DNAJC3: variants seen among roughly 807,000 people sequenced by gnomAD.
DNAJC3 encodes the protein dnaJ homolog subfamily C member 3.
DNAJC3 carries 38 observed loss-of-function variants against 68.6 expected under a neutral mutation model. The observed-to-expected ratio is 0.55, with a 90% CI of 0.43 to 0.73. The LOEUF (loss-of-function observed/expected upper bound fraction) is 0.73. DNAJC3 is among the 30% of genes least tolerant of loss of function. DNAJC3 has a pLI of 0.00. For missense variants in DNAJC3, 526 were observed against 591.9 expected (o/e 0.89, Z 1.16); for synonymous variants, 203 against 204.0 (o/e 1.00, Z 0.04).
chr13:95,727,080 C>G (rs1881551492), intron 4 of DNAJC3, among the ~76,000 whole-genome samples: 1 of 152,120 alleles, frequency 6.6e-6, no homozygotes, highest in Non-Finnish European at 1.5e-5. Flanking sequence ...CTTTCCCTAG[C>G]CCAGGCCTTT....
At chr13:95,699,368 C>T (rs887132781) in intron 1 of DNAJC3, among the ~76,000 whole-genome samples, 5 of 152,194 alleles carry the variant, frequency 3.3e-5, no homozygotes, top group Admixed American at 2.6e-4. Flanking sequence ...TGAAGAGTAA[C>T]TCACCCTCTG....
intron 9 of DNAJC3, among the ~76,000 whole-genome samples, chr13:95,766,935 C>CAT: frequency 6.6e-6 from 1 of 151,950 alleles, no homozygotes; most frequent in African/African-American, 2.4e-5. Flanking sequence ...CTCCTGACCT[C>CAT]GTGATCTGCC....
chr13:95,718,017 A>G (rs935408903), intron 2 of DNAJC3, among the ~76,000 whole-genome samples: 1 of 152,088 alleles, frequency 6.6e-6, no homozygotes, highest in African/African-American at 2.4e-5. Context: ...TAATTTTCTC[A>G]TATTTGAATT....
At chr13:95,699,353 T>C (rs963975541) in intron 1 of DNAJC3, among the ~76,000 whole-genome samples, 23 of 152,186 alleles carry the variant, frequency 1.5e-4, no homozygotes, top group African/African-American at 5.5e-4. Flanking sequence ...AAGAGAAATT[T>C]AGTTTGAAGA....
chr13:95,773,343 G>T (rs368596740), intron 9 of DNAJC3, among the ~76,000 whole-genome samples: 1 of 151,204 alleles, frequency 6.6e-6, no homozygotes, highest in South Asian at 2.1e-4. Context: ...GCTAGTTTTT[G>T]TATTTTTTGT....
chr13:95,773,176 T>G (rs1883203301), intron 9 of DNAJC3, among the ~76,000 whole-genome samples: 1 of 149,098 alleles, frequency 6.7e-6, no homozygotes, highest in Non-Finnish European at 1.5e-5. Context: ...TTTCATTTTG[T>G]TTTTGCTTTT....
chr13:95,680,474 T>C (rs1042012353), intron 1 of DNAJC3, among the ~76,000 whole-genome samples: 1 of 152,192 alleles, frequency 6.6e-6, no homozygotes, highest in Non-Finnish European at 1.5e-5. Flanking sequence ...ATTATCTAAA[T>C]AGGGAAAGAA....
chr13:95,719,330 G>A (rs1288279728), intron 2 of DNAJC3, among the ~76,000 whole-genome samples: 1 of 152,146 alleles, frequency 6.6e-6, no homozygotes, highest in Non-Finnish European at 1.5e-5. Context: ...TTATCACTTA[G>A]GCATGATGTA....
At chr13:95,729,781 C>T (rs1045327492) in intron 4 of DNAJC3, among the ~76,000 whole-genome samples, 1 of 152,024 alleles carries the variant, frequency 6.6e-6, no homozygotes, top group African/African-American at 2.4e-5. Flanking sequence ...TTTTCATATA[C>T]CTGTTGGCTA....
At chr13:95,682,291 T>A (rs1879935491) in intron 1 of DNAJC3, among the ~76,000 whole-genome samples, 1 of 152,136 alleles carries the variant, frequency 6.6e-6, no homozygotes, top group African/African-American at 2.4e-5. Flanking sequence ...AGGGCTTTCC[T>A]CATTCCTCAT....
chr13:95,699,989 T>C (rs1309134505), intron 1 of DNAJC3, among the ~76,000 whole-genome samples: 1 of 152,162 alleles, frequency 6.6e-6, no homozygotes, highest in African/African-American at 2.4e-5. Flanking sequence ...GGCTCATTTT[T>C]AAAATTTTTT....
chr13:95,749,426 A>G (rs992595380), intron 4 of DNAJC3, among the ~76,000 whole-genome samples: 4 of 152,124 alleles, frequency 2.6e-5, no homozygotes, highest in Admixed American at 2.0e-4. Flanking sequence ...GCCAAAGGGA[A>G]AGAGGAAGGG....
At chr13:95,743,690 T>TG (rs1882218068) in intron 4 of DNAJC3, among the ~76,000 whole-genome samples, 1 of 152,124 alleles carries the variant, frequency 6.6e-6, no homozygotes, top group Non-Finnish European at 1.5e-5. Context: ...CCCTAGTGGC[T>TG]GGGATCATAG....
Position 95,787,102 on chromosome 13 carries a change from C to T in DNAJC3, c.1304C>T (p.Ala435Val), listed in dbSNP as rs371390750. 1.2e-6 allele frequency: 2 copies of T among 1,613,930 alleles called. No homozygotes were observed. Among genetic ancestry groups the T allele is most frequent in the Non-Finnish European group, 1.7e-6 (2 of 1,179,926 alleles). The change falls in exon 11 of 12, where the codon GCT becomes GTT. Residue 435 changes from alanine to valine, a missense_variant. Physicochemically the swap from Ala to Val is moderately conservative, Grantham distance 64 (BLOSUM62 0). Transcript: ENST00000602402. ...NFQNEEEKKKAEKKFIDIAAA... is the reference protein window; with the variant it reads ...NFQNEEEKKKVEKKFIDIAAA... ...CAGAATGAAGAAGAAAAGAAAAAAG[C>T]TGAGAAAAAGTTCATTGATATAGCA...
chr13:95,738,940 A>C (rs1882025990), intron 4 of DNAJC3, among the ~76,000 whole-genome samples: 1 of 151,960 alleles, frequency 6.6e-6, no homozygotes, highest in African/African-American at 2.4e-5. Context: ...ACATTTTGGC[A>C]TGATTTTGCA....
At chr13:95,752,733 G>C (rs1040813941) in intron 4 of DNAJC3, among the ~76,000 whole-genome samples, 9 of 152,118 alleles carry the variant, frequency 5.9e-5, no homozygotes, top group African/African-American at 2.2e-4. Flanking sequence ...ACATGCTTTT[G>C]TACTCACAGA....
chr13:95,729,198 TC>T (rs1881624716), intron 4 of DNAJC3, among the ~76,000 whole-genome samples: 11 of 149,802 alleles, frequency 7.3e-5, no homozygotes, highest in African/African-American at 2.7e-4. Flanking sequence ...TCTCTCTCTC[TC>T]TCTTTCTCTC....
chr13:95,704,851 G>GTTTTTTTGTTTTTTTTTTTTTTTTTTT (rs1437981663), intron 1 of DNAJC3, among the ~76,000 whole-genome samples: 3 of 97,860 alleles, frequency 3.1e-5, no homozygotes, highest in African/African-American at 1.8e-4. Flanking sequence ...GTGTGTGTGT[G>GTTTTTTTGTTTTTTTTTTTTTTTTTTT]TTTTTTTTTT....
At chr13:95,773,731 C>CTTTTTT (rs143145399) in intron 9 of DNAJC3, among the ~76,000 whole-genome samples, 29 of 71,322 alleles carry the variant, frequency 4.1e-4, no homozygotes, top group South Asian at 6.5e-4. Flanking sequence ...TTTTGTTGGT[C>CTTTTTT]TTTTTTTTTT....
Sources: gnomAD v4.1 joint callset for allele counts (sites outside exome capture counted in the v4.1 genomes callset) on GRCh38, gnomAD v4.1.1 for gene constraint, MANE v1.5 for transcripts, NCBI Gene and HGNC (gene_info 2026-07-23, HGNC 2026-07-21) for gene names.